The following ZNF136 variants were observed in gnomAD, a reference collection of about 807,000 sequenced individuals.
ZNF136 encodes zinc finger protein 136 (clone pHZ-20).
ZNF136 carries 8 observed loss-of-function variants against 11.4 expected under a neutral mutation model. The ratio of observed to expected loss-of-function variants is 0.70; its 90% CI spans 0.41 to 1.27. The LOEUF (loss-of-function observed/expected upper bound fraction) is 1.27, where lower values mean the gene tolerates loss of function less well. ZNF136 is among the 50% of genes most tolerant of loss of function. ZNF136 has a pLI of 0.01. For missense variants in ZNF136, 590 were observed against 656.5 expected (o/e 0.90, Z 1.11); for synonymous variants, 190 against 207.1 (o/e 0.92, Z 0.71).
At chr19:12,176,496 T>C (rs1914797763) in intron 1 of ZNF136, among the ~76,000 whole-genome samples, 1 of 152,030 alleles carries the variant, frequency 6.6e-6, no homozygotes, top group Admixed American at 6.6e-5. Context: ...CCAGCTAATT[T>C]TTGTATTTTT....
intron 1 of ZNF136, chr19:12,164,914 G>A (rs1977164789): frequency 6.6e-6 from 1 of 152,142 alleles, no homozygotes; most frequent in Admixed American, 6.6e-5. Context: ...CGGGACCCTG[G>A]AACCCACACC....
rs1915193264 is a variant in ZNF136 at position 12,189,121 on chromosome 19, G to A, written c.*1120G>A. 6.6e-6 allele frequency: 1 copy of A among 152,158 alleles called. No individual in the cohort carries two copies. Among genetic ancestry groups the A allele is most frequent in the African/African-American group, 2.4e-5 (1 of 41,422 alleles). 9.4% of individuals were successfully genotyped at this position (152,158 alleles called of 1,614,324 possible). On this transcript the variant is annotated 3_prime_UTR_variant, in exon 4 of 4. Coordinates refer to ENST00000343979, the MANE Select transcript of ZNF136 (RefSeq NM_003437.5). ...TATTTGTCTTTCCATTTTGAAATGT[G>A]TTTAATCCAACAATGAATTTAAATG...
rs1915108589 is a variant in ZNF136, at chr19:12,186,863, A to G, written c.485A>G (p.His162Arg). The G allele has an allele frequency of 6.2e-7, 1 of 1,614,016 alleles. No homozygotes were observed. Reference protein sequence around the residue: ...HHSFRTHEIIHTGEKLYDCKE... With the variant: ...HHSFRTHEIIRTGEKLYDCKE... ...TCCTTTCGAACACATGAGATAATTCACACTGGAGAGAAACTCTATGATTGT... is the reference window on the plus strand; with the variant it reads ...TCCTTTCGAACACATGAGATAATTCGCACTGGAGAGAAACTCTATGATTGT... The change falls in exon 4 of 4, where the codon CAC becomes CGC. Residue 162 changes from histidine to arginine, a missense_variant. By Grantham distance (29) the His-to-Arg change is conservative. Coordinates refer to ENST00000343979, the MANE Select transcript of ZNF136 (RefSeq NM_003437.5).
intron 1 of ZNF136, among the ~76,000 whole-genome samples, chr19:12,164,183 C>T (rs1187642845): frequency 6.6e-6 from 1 of 152,188 alleles, no homozygotes; most frequent in Non-Finnish European, 1.5e-5. Context: ...TGGGGGCACT[C>T]AGCTTTTCCT....
Position 12,185,880 on chromosome 19 carries a change from G to T in ZNF136, c.99G>T (p.Met33Ile), listed in dbSNP as rs1221290519. 6.2e-7 allele frequency: 1 copy of T among 1,613,826 alleles called. No homozygotes were observed. The highest frequency in any genetic ancestry group is 8.5e-7 in the Non-Finnish European group (1 of 1,179,950). ...AGAAGAATCTCTACAGAGATGTGAT[G>T]TGGGAAACCATGAGGAATCTGGCCT... ...PSQKNLYRDV[M>I]WETMRNLASI... Residue 33 changes from methionine (M) to isoleucine (I), a missense_variant, in exon 2 of 4, where the codon ATG (methionine) becomes ATT (isoleucine). Physicochemically the swap from Met to Ile is conservative, Grantham distance 10. Coordinates refer to ENST00000343979, the MANE Select transcript of ZNF136 (RefSeq NM_003437.5).
chr19:12,167,337 G>C (rs1384636282), intron 1 of ZNF136, among the ~76,000 whole-genome samples: 2 of 152,220 alleles, frequency 1.3e-5, no homozygotes, highest in South Asian at 4.1e-4. Context: ...CTGTGTCAGA[G>C]ACACAAATTT....
At chr19:12,172,374 C>T (rs1403647769) in intron 1 of ZNF136, among the ~76,000 whole-genome samples, 1 of 152,104 alleles carries the variant, frequency 6.6e-6, no homozygotes, top group Non-Finnish European at 1.5e-5. Context: ...TAAAATGTGC[C>T]TTTCAAGGGA....
At chr19:12,176,113 A>T (rs773877979) in intron 1 of ZNF136, among the ~76,000 whole-genome samples, 28 of 152,160 alleles carry the variant, frequency 1.8e-4, no homozygotes, top group Non-Finnish European at 2.8e-4. Flanking sequence ...GAAAATTATG[A>T]ATAACGCTGC....
Position 12,187,757 on chromosome 19 carries a change from T to C in ZNF136, c.1379T>C (p.Leu460Pro). Reference protein sequence around the residue: ...CKQCGKAFSYLNSFRTHEMIH... With the variant: ...CKQCGKAFSYPNSFRTHEMIH... Reference sequence around the variant, plus strand: ...CAATGTGGGAAAGCCTTCAGTTATCTCAACTCCTTTCGAACACATGAAATG... The same window carrying C: ...CAATGTGGGAAAGCCTTCAGTTATCCCAACTCCTTTCGAACACATGAAATG... Residue 460 changes from leucine (L) to proline (P), a missense_variant, in exon 4 of 4, where the codon CTC (leucine) becomes CCC (proline). By Grantham distance (98) the Leu-to-Pro change is moderately conservative (BLOSUM62 -3). Coordinates refer to ENST00000343979, the MANE Select transcript of ZNF136 (RefSeq NM_003437.5). The C allele has an allele frequency of 1.2e-6, 2 of 1,613,082 alleles. No homozygotes were observed. Among genetic ancestry groups the C allele is most frequent in the East Asian group, 4.5e-5 (2 of 44,844 alleles).
At position 12,187,773 on chromosome 19, in the gene ZNF136, A is replaced by C; in HGVS notation, c.1395A>C (p.Thr465=). ...TCAGTTATCTCAACTCCTTTCGAAC[A>C]CATGAAATGATTCACACTGGTGAGA... ...KAFSYLNSFR[T]HEMIHTGEKP... The change falls in exon 4 of 4, where the codon ACA becomes ACC. Residue 465 remains threonine, a synonymous_variant. Transcript: ENST00000343979. The C allele has an allele frequency of 6.2e-7, 1 of 1,612,270 alleles. No homozygotes were observed. The highest frequency in any genetic ancestry group is 8.5e-7 in the Non-Finnish European group (1 of 1,179,386).
Position 12,168,057 on chromosome 19 carries a change from CTTTTTTTTTTTTT to C in ZNF136, c.3+4869_3+4881del, listed in dbSNP as rs386388563. On this transcript the variant is annotated intron_variant, in intron 1 of 3. Coordinates refer to ENST00000343979, the MANE Select transcript of ZNF136 (RefSeq NM_003437.5). Reference sequence around the variant, plus strand: ...GCCCATTTTTTTTTCTTTTCTTTTTCTTTTTTTTTTTTTTTTTTTTTTTTTTTTTTGTGAGACG... The same window carrying C: ...GCCCATTTTTTTTTCTTTTCTTTTTCTTTTTTTTTTTTTTTTTGTGAGACG... 2.5e-3 allele frequency among the ~76,000 whole-genome samples: 175 copies of C among 71,148 alleles called. 2 individuals are homozygous for C. The highest frequency in any genetic ancestry group is 6.4e-3 in the African/African-American group (111 of 17,264). 46.7% of individuals were successfully genotyped at this position (71,148 alleles called of 152,430 possible). A position where few individuals can be genotyped will look rare whatever the true frequency, so the allele number is the denominator to read the frequency against.
Position 12,187,942 on chromosome 19 carries a change from C to G in ZNF136, c.1564C>G (p.His522Asp). 1 of 1,553,286 alleles carries G rather than the reference C, an allele frequency of 6.4e-7. No homozygotes were observed. The highest frequency in any genetic ancestry group is 8.6e-7 in the Non-Finnish European group (1 of 1,157,228). The change falls in exon 4 of 4, where the codon CAC becomes GAC. Residue 522 changes from histidine to aspartate, a missense_variant. His to Asp is a moderately conservative substitution (Grantham distance 81). Coordinates refer to ENST00000343979, the MANE Select transcript of ZNF136 (RefSeq NM_003437.5). ...AYSCRASFQRHMLTHAEDGPP... is the reference protein window; with the variant it reads ...AYSCRASFQRDMLTHAEDGPP... Reference sequence around the variant, plus strand: ...TTCTTGCCGTGCCAGCTTTCAGAGACACATGTTAACACATGCTGAAGATGG... The same window carrying G: ...TTCTTGCCGTGCCAGCTTTCAGAGAGACATGTTAACACATGCTGAAGATGG...
intron 1 of ZNF136, among the ~76,000 whole-genome samples, chr19:12,184,441 G>A (rs1370000790): frequency 2.0e-5 from 3 of 151,484 alleles, no homozygotes; most frequent in African/African-American, 4.9e-5. Context: ...GGTGCCTGTA[G>A]TCCCAGCTAC....
chr19:12,163,159 C>A lies in ZNF136; in HGVS notation c.-45C>A. ...CTGTGGCGCGGTTTCCTGTACCTGC[C>A]TTGGGATCCGGAGGGAGGAAGCTGG... is the stretch of plus-strand genomic sequence containing the variant. On this transcript the variant is annotated 5_prime_UTR_variant, in exon 1 of 4. Coordinates refer to ENST00000343979, the MANE Select transcript of ZNF136 (RefSeq NM_003437.5). The A allele has an allele frequency of 7.1e-7, 1 of 1,399,070 alleles. No individual in the cohort carries two copies. The highest frequency in any genetic ancestry group is 1.8e-5 in the South Asian group (1 of 55,738). 86.7% of individuals were successfully genotyped at this position (1,399,070 alleles called of 1,614,324 possible).
chr19:12,183,652 C>T (rs1444151156), intron 1 of ZNF136, among the ~76,000 whole-genome samples: 2 of 151,892 alleles, frequency 1.3e-5, no homozygotes, highest in African/African-American at 4.8e-5. Context: ...GGTTGGAGTG[C>T]ATTGGCACCC....
Position 12,189,813 on chromosome 19 carries a change from T to G in ZNF136, c.*1812T>G, listed in dbSNP as rs1399888006. On this transcript the variant is annotated 3_prime_UTR_variant, in exon 4 of 4. Coordinates refer to ENST00000343979, the MANE Select transcript of ZNF136 (RefSeq NM_003437.5). ...TGTTATTTATTCTGGCTGCTCTTTG[T>G]ATAATTGATTTTGGGATAAGGAGAC... 1 of 152,268 alleles carries G rather than the reference T, an allele frequency of 6.6e-6. No homozygotes were observed. The highest frequency in any genetic ancestry group is 1.9e-4 in the East Asian group (1 of 5,208). 9.4% of individuals were successfully genotyped at this position (152,268 alleles called of 1,614,324 possible). A position where few individuals can be genotyped will look rare whatever the true frequency, so the allele number is the denominator to read the frequency against.
chr19:12,186,632 G>T lies in ZNF136; in HGVS notation c.254G>T (p.Ser85Ile). Residue 85 changes from serine (S) to isoleucine (I), a missense_variant, in exon 4 of 4, where the codon AGC becomes ATC. Coordinates refer to ENST00000343979, the MANE Select transcript of ZNF136 (RefSeq NM_003437.5). The stretch of plus-strand genomic sequence containing the variant: ...GGTAGTCAGCGTGGAGGAATTTTTA[G>T]CCAGTTTGCAAATCAGAATCTGAGC... Reference protein sequence around the residue: ...KDGSQRGGIFSQFANQNLSKK... With the variant: ...KDGSQRGGIFIQFANQNLSKK... 3 of 1,614,092 alleles carry T rather than the reference G, an allele frequency of 1.9e-6. No homozygotes were observed. The highest frequency in any genetic ancestry group is 2.2e-5 in the South Asian group (2 of 91,082).
At chr19:12,166,952 A>G (rs961059008) in intron 1 of ZNF136, among the ~76,000 whole-genome samples, 2 of 152,258 alleles carry the variant, frequency 1.3e-5, no homozygotes, top group African/African-American at 4.8e-5. Context: ...GGAAGGCACC[A>G]ATCAAATATA....
intron 1 of ZNF136, among the ~76,000 whole-genome samples, chr19:12,175,196 A>G (rs1201748904): frequency 1.4e-5 from 2 of 142,926 alleles, no homozygotes; most frequent in African/African-American, 2.6e-5. Context: ...TTTTCTTTCG[A>G]TTTTTTTTTT....
Sources: allele counts gnomAD v4.1 joint callset (sites outside exome capture counted in the v4.1 genomes callset), GRCh38; gene constraint gnomAD v4.1.1; transcripts MANE v1.5; gene names NCBI Gene and HGNC (gene_info 2026-07-23, HGNC 2026-07-21).